The following CNBD1 variants were observed in gnomAD, a reference collection of about 807,000 sequenced individuals.
CNBD1 encodes cyclic nucleotide binding domain containing 1, also known as cyclic nucleotide-binding domain-containing protein 1.
Under a neutral mutation model 54.4 loss-of-function variants are expected in CNBD1, and 71 were observed. The observed-to-expected ratio is 1.30, with a 90% confidence interval of 1.08 to 1.59. The LOEUF (loss-of-function observed/expected upper bound fraction) is 1.59. CNBD1 is among the 40% of genes most tolerant of loss of function. The pLI is 0.00. For missense variants in CNBD1, 659 were observed against 518.0 expected, an observed-to-expected ratio of 1.27 and a Z score of -2.64; for synonymous variants, 182 against 170.7, an observed-to-expected ratio of 1.07 and a Z score of -0.51.
At position 86,918,274 on chromosome 8, in the gene CNBD1, C is replaced by G. The variant is rs190516700; in HGVS notation, c.272+13080C>G. 1.5e-3 allele frequency among the ~76,000 whole-genome samples: 228 copies of G among 152,286 alleles called. No individual in the cohort carries two copies. In the Middle Eastern group the frequency reaches 0.017, roughly 11 times the overall value. ...TGCTTTCTTAAAGATGCATCATACA[C>G]TCTTCTTTTAGTGAATGGAAGTGTT... is the stretch of plus-strand genomic sequence containing the variant. On this transcript the variant is annotated intron_variant, in intron 3 of 10. Coordinates refer to ENST00000518476, the MANE Select transcript of CNBD1 (RefSeq NM_173538.3).
At chr8:87,170,250 T>G (rs1051926973) in intron 4 of CNBD1, among the ~76,000 whole-genome samples, 28 of 152,166 alleles carry the variant, frequency 1.8e-4, no homozygotes, top group African/African-American at 6.8e-4. Flanking sequence ...TTGTGTGTGT[T>G]GATTTTATAA....
Position 87,166,792 on chromosome 8 carries a change from T to C in CNBD1, c.432-39201T>C, listed in dbSNP as rs947028700. On this transcript the variant is annotated intron_variant, in intron 4 of 10. Coordinates refer to ENST00000518476, the MANE Select transcript of CNBD1 (RefSeq NM_173538.3). This position sits in a 1 kb window ranked among gnomAD's most constrained non-coding sequence, Gnocchi z 4.3. ...TTTACCCTTGCATTTCTCTGAGAGA[T>C]GCCTGCTATGAACACCCTATGTCAG... Among the ~76,000 whole-genome samples the C allele has an allele frequency of 2.6e-5, 4 of 151,968 alleles. No individual in the cohort carries two copies. The highest frequency in any genetic ancestry group is 9.7e-5 in the African/African-American group (4 of 41,426).
chr8:87,123,591 T>A (rs1037596272), intron 4 of CNBD1, among the ~76,000 whole-genome samples: 2 of 151,546 alleles, frequency 1.3e-5, no homozygotes, highest in East Asian at 3.9e-4. Context: ...AATAATCTAA[T>A]GTTAAGCCTC....
intron 8 of CNBD1, among the ~76,000 whole-genome samples, chr8:87,305,640 A>G (rs1259752013): frequency 6.6e-6 from 1 of 152,172 alleles, no homozygotes; most frequent in Non-Finnish European, 1.5e-5. Flanking sequence ...AAGCAAACGA[A>G]AACATAAAGT....
intron 2 of CNBD1, among the ~76,000 whole-genome samples, chr8:87,423,714 C>G (rs995911950): frequency 1.7e-4 from 26 of 151,116 alleles, no homozygotes; most frequent in Admixed American, 1.4e-3. Context: ...CAATGTTCAT[C>G]AAGGATATTG....
chr8:86,990,299 A>G (rs990993052), intron 4 of CNBD1, among the ~76,000 whole-genome samples: 139 of 152,290 alleles, frequency 9.1e-4, no homozygotes, highest in African/African-American at 3.2e-3. Flanking sequence ...AGTTTCTCCA[A>G]TGCTTTCCTG....
At chr8:86,979,375 G>T (rs1215962467) in intron 4 of CNBD1, among the ~76,000 whole-genome samples, 1 of 140,832 alleles carries the variant, frequency 7.1e-6, no homozygotes, top group Admixed American at 7.4e-5. Context: ...AGACCAGTCT[G>T]GGCAACATGG....
At chr8:87,136,357 T>C (rs991824457) in intron 4 of CNBD1, among the ~76,000 whole-genome samples, 5 of 150,638 alleles carry the variant, frequency 3.3e-5, no homozygotes, top group African/African-American at 1.2e-4. Context: ...GAATAACACA[T>C]GTAATTACTT....
intron 4 of CNBD1, among the ~76,000 whole-genome samples, chr8:87,119,141 G>C (rs149864303): frequency 1.3e-5 from 2 of 151,732 alleles, no homozygotes; most frequent in Non-Finnish European, 2.9e-5. Context: ...AAATGACAGC[G>C]GTATTTTGAT....
intron 6 of CNBD1, among the ~76,000 whole-genome samples, chr8:87,282,125 T>C (rs1808612298): frequency 6.6e-6 from 1 of 151,740 alleles, no homozygotes; most frequent in African/African-American, 2.4e-5. Context: ...GTCATTGTAC[T>C]TTTTTTCAAC....
chr8:87,228,447 TTTCC>T (rs2130817312), intron 5 of CNBD1, among the ~76,000 whole-genome samples: 1 of 149,058 alleles, frequency 6.7e-6, no homozygotes, highest in South Asian at 2.1e-4. Context: ...GTTTGTTAGT[TTTCC>T]TTCTAACACA....
intron 4 of CNBD1, among the ~76,000 whole-genome samples, chr8:86,987,123 T>C (rs2130519891): frequency 6.6e-6 from 1 of 152,338 alleles, no homozygotes; most frequent in African/African-American, 2.4e-5. Context: ...TTTAATAACA[T>C]TGATTTTTCT....
chr8:87,188,306 A>C (rs1032351115), intron 4 of CNBD1, among the ~76,000 whole-genome samples: 13 of 152,174 alleles, frequency 8.5e-5, no homozygotes, highest in Non-Finnish European at 1.3e-4. Flanking sequence ...GTTGTGTTTA[A>C]TGTATGACTT....
chr8:87,209,505 A>C (rs1208360728), intron 5 of CNBD1, among the ~76,000 whole-genome samples: 8 of 152,150 alleles, frequency 5.3e-5, no homozygotes, highest in Admixed American at 2.6e-4. Flanking sequence ...GAAAATATTG[A>C]TAAAAGAAAT....
chr8:87,424,327 G>T (rs963621859), intron 2 of CNBD1, among the ~76,000 whole-genome samples: 1 of 152,040 alleles, frequency 6.6e-6, no homozygotes. Context: ...GCTTTTGAAT[G>T]TGTTTGCTCG....
intron 3 of CNBD1, among the ~76,000 whole-genome samples, chr8:86,924,469 T>C (rs1047693554): frequency 6.6e-6 from 1 of 152,160 alleles, no homozygotes; most frequent in African/African-American, 2.4e-5. Context: ...TAAAATTAGA[T>C]AATGTAGATT....
At chr8:87,369,962 G>A (rs985414633) in intron 10 of CNBD1, among the ~76,000 whole-genome samples, 16 of 151,958 alleles carry the variant, frequency 1.1e-4, no homozygotes, top group Admixed American at 8.5e-4. Context: ...CCATCTATGA[G>A]TGAGAACATG....
chr8:87,422,462 G>A (rs1291187853), intron 2 of CNBD1, among the ~76,000 whole-genome samples: 2 of 151,210 alleles, frequency 1.3e-5, no homozygotes, highest in East Asian at 1.9e-4. Context: ...AAGGTGTAAG[G>A]AAGGGATTCA....
chr8:87,312,277 C>T (rs1332335408), intron 8 of CNBD1, among the ~76,000 whole-genome samples: 3 of 152,088 alleles, frequency 2.0e-5, no homozygotes, highest in Middle Eastern at 3.4e-3. Flanking sequence ...GGTTGCAATG[C>T]TTTCATTTTA....
Sources: gnomAD v4.1 joint callset for allele counts (sites outside exome capture counted in the v4.1 genomes callset) on GRCh38, gnomAD v4.1.1 for gene constraint, Gnocchi (gnomAD v3.1) non-coding constraint, MANE v1.5 for transcripts, NCBI Gene and HGNC (gene_info 2026-07-23, HGNC 2026-07-21) for gene names.